IL1RAPL2: variants seen among roughly 807,000 people sequenced by gnomAD.
The protein encoded by IL1RAPL2 is X-linked interleukin-1 receptor accessory protein-like 2.
Under a neutral mutation model 44.1 loss-of-function variants are expected in IL1RAPL2, and 3 were observed. The observed-to-expected ratio is 0.07, with a 90% CI of 0.03 to 0.18. IL1RAPL2 has a LOEUF of 0.18. Ranked by LOEUF, IL1RAPL2 falls within the 10% of genes least tolerant of loss-of-function variation. The pLI is 1.00. For synonymous variants in IL1RAPL2, 181 were observed against 178.8 expected (o/e 1.01, Z -0.10); for missense variants, 391 against 496.4 (o/e 0.79, Z 2.02).
intron 5 of IL1RAPL2, among the ~76,000 whole-genome samples, chrX:105,358,261 T>C (rs2035219694): frequency 9.1e-6 from 1 of 110,318 alleles, no homozygotes; most frequent in African/African-American, 3.3e-5. Flanking sequence ...ATGTTTTTTT[T>C]CCTACACGTT....
Position 105,408,197 on chromosome X carries a change from G to A in IL1RAPL2, c.698-76116G>A, listed in dbSNP as rs772984406. The stretch of plus-strand genomic sequence containing the variant: ...TAAAGGCATTTGGCTGGTCCAAGAT[G>A]TAATACCAATCAGTCAGCACCTGTG... On this transcript the variant is annotated intron_variant, in intron 5 of 10. Transcript: ENST00000372582. Among the ~76,000 whole-genome samples the A allele has an allele frequency of 1.4e-3, 158 of 112,266 alleles. 1 individual carries two copies. Among genetic ancestry groups the A allele is most frequent in the African/African-American group, 4.8e-3 (148 of 30,961 alleles).
intron 2 of IL1RAPL2, among the ~76,000 whole-genome samples, chrX:104,858,989 A>G: frequency 8.9e-6 from 1 of 112,156 alleles, no homozygotes; most frequent in East Asian, 2.8e-4. Context: ...AAACAGTAAT[A>G]TGGTACTAAA....
At chrX:105,661,803 T>G (rs2037722689) in intron 6 of IL1RAPL2, among the ~76,000 whole-genome samples, 1 of 112,340 alleles carries the variant, frequency 8.9e-6, no homozygotes. Flanking sequence ...GACACTGGAG[T>G]TGCTGCAGAG....
intron 2 of IL1RAPL2, among the ~76,000 whole-genome samples, chrX:104,783,424 G>A (rs773289138): frequency 2.7e-5 from 3 of 110,694 alleles, no homozygotes; most frequent in Non-Finnish European, 5.7e-5. Flanking sequence ...AACACCAACC[G>A]ACTCTTGTCT....
At chrX:105,018,814 T>G (rs1437017272) in intron 2 of IL1RAPL2, among the ~76,000 whole-genome samples, 2 of 111,819 alleles carry the variant, frequency 1.8e-5, no homozygotes, top group African/African-American at 6.5e-5. Flanking sequence ...GTTCCTGCAC[T>G]AACTCACTTT....
chrX:105,193,133 A>G (rs2033646322), intron 2 of IL1RAPL2, among the ~76,000 whole-genome samples: 1 of 112,201 alleles, frequency 8.9e-6, no homozygotes, highest in Admixed American at 9.5e-5. Context: ...GTAAAAGTGT[A>G]GAATTATGCA....
chrX:105,687,766 A>C (rs903202823), intron 6 of IL1RAPL2, among the ~76,000 whole-genome samples: 28 of 111,767 alleles, frequency 2.5e-4, no homozygotes, highest in Non-Finnish European at 1.1e-4. Flanking sequence ...GCAGAGACAC[A>C]ACAAAAAAAG....
intron 2 of IL1RAPL2, among the ~76,000 whole-genome samples, chrX:104,874,233 T>C (rs1417192686): frequency 9.1e-6 from 1 of 109,345 alleles, no homozygotes; most frequent in East Asian, 2.9e-4. Context: ...CTTGTCTATT[T>C]ACAGACCTCT....
intron 2 of IL1RAPL2, among the ~76,000 whole-genome samples, chrX:105,078,635 A>G (rs1261178648): frequency 8.9e-6 from 1 of 112,588 alleles, no homozygotes; most frequent in African/African-American, 3.2e-5. Flanking sequence ...CCAGAGGTGG[A>G]GCCTACAGAG....
intron 2 of IL1RAPL2, among the ~76,000 whole-genome samples, chrX:104,781,658 T>C (rs985032347): frequency 1.4e-4 from 16 of 111,712 alleles, no homozygotes; most frequent in Admixed American, 4.8e-4. Context: ...AGAGAGGTTA[T>C]GGAGGTCAAG....
At chrX:105,145,800 C>T (rs974028251) in intron 2 of IL1RAPL2, among the ~76,000 whole-genome samples, 1 of 111,589 alleles carries the variant, frequency 9.0e-6, no homozygotes, top group Non-Finnish European at 1.9e-5. Flanking sequence ...AATCCAATCT[C>T]GGCTGTGAAT....
chrX:105,748,980 C>T lies in IL1RAPL2; in HGVS notation c.1069C>T (p.Leu357Phe). ...RKKDLIYKIE[L>F]AGGLGAIFLL... The stretch of plus-strand genomic sequence containing the variant: ...TCCAGATTTAATCTATAAAATTGAG[C>T]TTGCAGGGGGCCTGGGAGCAATCTT... The change falls in exon 9 of 11, where the codon CTT (leucine) becomes TTT (phenylalanine). Residue 357 changes from leucine (L) to phenylalanine (F), a missense_variant. Leu to Phe is a conservative substitution (Grantham distance 22, BLOSUM62 0). Coordinates refer to ENST00000372582, the MANE Select transcript of IL1RAPL2 (RefSeq NM_017416.2). The T allele has an allele frequency of 8.3e-7, 1 of 1,209,360 alleles. No homozygotes were observed. The highest frequency in any genetic ancestry group is 1.1e-6 in the Non-Finnish European group (1 of 893,934).
At position 104,571,165 on chromosome X, in the gene IL1RAPL2, C is replaced by T. The variant is rs1037576596; in HGVS notation, c.-20+4114C>T. ...TAGGTCTTCTAGATTCTTGATCTGG[C>T]CTGCTACAAAAGCCTTTTCTTGCTG... On this transcript the variant is annotated intron_variant, in intron 1 of 10. Coordinates refer to ENST00000372582, the MANE Select transcript of IL1RAPL2 (RefSeq NM_017416.2). 1.8e-5 allele frequency among the ~76,000 whole-genome samples: 2 copies of T among 111,436 alleles called. 1 individual carries two copies. Among genetic ancestry groups the T allele is most frequent in the South Asian group, 7.6e-4 (2 of 2,628 alleles).
chrX:104,865,850 G>T (rs1469309983), intron 2 of IL1RAPL2, among the ~76,000 whole-genome samples: 1 of 112,579 alleles, frequency 8.9e-6, no homozygotes, highest in Admixed American at 9.4e-5. Context: ...TACTCTTGAG[G>T]TTTTGGGACT....
intron 2 of IL1RAPL2, among the ~76,000 whole-genome samples, chrX:105,093,918 A>G (rs763541263): frequency 9.0e-6 from 1 of 111,603 alleles, no homozygotes; most frequent in Admixed American, 9.5e-5. Context: ...CCCTTAAAAG[A>G]GATTAAATAA....
intron 6 of IL1RAPL2, among the ~76,000 whole-genome samples, chrX:105,573,108 G>C (rs1048841318): frequency 1.8e-5 from 2 of 111,226 alleles, no homozygotes; most frequent in Non-Finnish European, 3.8e-5. Context: ...ACCCAGGCTG[G>C]AGTGCAATGG....
intron 5 of IL1RAPL2, among the ~76,000 whole-genome samples, chrX:105,302,902 G>A (rs1368254203): frequency 8.9e-6 from 1 of 112,225 alleles, no homozygotes; most frequent in Non-Finnish European, 1.9e-5. Context: ...GACAGGGCTT[G>A]TTGAGACTTA....
At chrX:104,647,501 T>A (rs1930064842) in intron 1 of IL1RAPL2, 1 of 545,308 alleles carries the variant, frequency 1.8e-6, no homozygotes, top group East Asian at 3.4e-5. Context: ...CAAGGACACA[T>A]CGTCCAGGAT....
At chrX:105,200,925 A>G (rs782510026) in intron 3 of IL1RAPL2, among the ~76,000 whole-genome samples, 3 of 111,515 alleles carry the variant, frequency 2.7e-5, no homozygotes, top group Non-Finnish European at 5.6e-5. Flanking sequence ...CCACACACAC[A>G]CACACACACA....
Sources: gnomAD v4.1 joint callset for allele counts (sites outside exome capture counted in the v4.1 genomes callset) on GRCh38, gnomAD v4.1.1 for gene constraint, MANE v1.5 for transcripts, NCBI Gene and HGNC (gene_info 2026-07-23, HGNC 2026-07-21) for gene names.